Variants in CCDC148 observed in about 807,000 individuals in gnomAD.
CCDC148 encodes coiled-coil domain-containing protein 148.
Under a neutral mutation model 85.7 loss-of-function variants are expected in CCDC148, and 89 were observed. The observed-to-expected ratio is 1.04, with a 90% CI of 0.87 to 1.24. The LOEUF (loss-of-function observed/expected upper bound fraction) is 1.24. Among genes scored for constraint, CCDC148 ranks in the 50% most tolerant of loss-of-function variants. The probability of loss-of-function intolerance (pLI) is 0.00; values close to 1 mark genes in which losing one functional copy is unlikely to be tolerated. For synonymous variants in CCDC148, 230 were observed against 213.9 expected, an observed-to-expected ratio of 1.08 and a Z score of -0.66; for missense variants, 692 against 671.7, an observed-to-expected ratio of 1.03 and a Z score of -0.33.
At chr2:158,252,223 T>C (rs1688822931) in intron 9 of CCDC148, among the ~76,000 whole-genome samples, 1 of 151,784 alleles carries the variant, frequency 6.6e-6, no homozygotes, top group Non-Finnish European at 1.5e-5. Flanking sequence ...GACTCTAAAG[T>C]TCATTTTTGC....
intron 10 of CCDC148, among the ~76,000 whole-genome samples, chr2:158,231,480 T>G (rs143846549): frequency 1.3e-5 from 2 of 152,208 alleles, no homozygotes; most frequent in African/African-American, 4.8e-5. Flanking sequence ...ACCAATATAT[T>G]TGGGCATTTA....
intron 7 of CCDC148, among the ~76,000 whole-genome samples, chr2:158,315,313 T>G (rs1692226280): frequency 6.6e-6 from 1 of 152,160 alleles, no homozygotes; most frequent in Admixed American, 6.5e-5. Context: ...GGACAACATC[T>G]CAGGTCCTCT....
intron 1 of CCDC148, among the ~76,000 whole-genome samples, chr2:158,419,431 G>A (rs1559132509): frequency 6.6e-6 from 1 of 152,100 alleles, no homozygotes; most frequent in African/African-American, 2.4e-5. Flanking sequence ...ATAAAACCAG[G>A]AATTAGCTCA....
Position 158,340,184 on chromosome 2 carries a change from T to G in CCDC148, c.486+58A>C, listed in dbSNP as rs80130296. On this transcript the variant is annotated intron_variant, in intron 5 of 13. Transcript: ENST00000283233. ...CATGTTTGTTTCTTATCTCAAACTC[T>G]TCTAGTTGGGACAAAAATGAAATAT... 2,045 of 1,532,494 alleles carry G rather than the reference T, an allele frequency of 1.3e-3. 32 individuals are homozygous for G. The African/African-American group carries it at 0.025, about 19-fold the overall frequency. The allele number at this position is 1,532,494 out of a possible 1,614,324, so 94.9% of individuals were successfully genotyped here. A position where few individuals can be genotyped will look rare whatever the true frequency, so the allele number is the denominator to read the frequency against.
chr2:158,205,023 C>T (rs7579360), intron 11 of CCDC148, among the ~76,000 whole-genome samples: 42,497 of 151,862 alleles, frequency 0.28, 6,090 homozygotes, highest in Middle Eastern at 0.34. Flanking sequence ...CCATGGGCAA[C>T]ATTAAGGCAT....
At chr2:158,305,072 C>T (rs1381000091) in intron 9 of CCDC148, among the ~76,000 whole-genome samples, 3 of 152,036 alleles carry the variant, frequency 2.0e-5, no homozygotes, top group African/African-American at 7.2e-5. Context: ...GGTAGGAGAG[C>T]AGAGAACGCA....
intron 11 of CCDC148, among the ~76,000 whole-genome samples, chr2:158,211,231 T>G (rs1686561111): frequency 6.6e-6 from 1 of 152,054 alleles, no homozygotes. Flanking sequence ...ACAAAAACTT[T>G]CAAATATCTG....
At chr2:158,177,244 T>C (rs1684635881) in intron 12 of CCDC148, among the ~76,000 whole-genome samples, 1 of 151,898 alleles carries the variant, frequency 6.6e-6, no homozygotes, top group Admixed American at 6.6e-5. Flanking sequence ...AATTGCAAAG[T>C]CATTTTAACC....
At chr2:158,353,256 T>G (rs9677767) in intron 2 of CCDC148, among the ~76,000 whole-genome samples, 58,907 of 85,528 alleles carry the variant, frequency 0.69, 21,248 homozygotes, top group East Asian at 0.93. Context: ...TGGACTAAAT[T>G]CTCCAATTAA....
At chr2:158,362,953 A>T (rs1684028206) in intron 1 of CCDC148, among the ~76,000 whole-genome samples, 1 of 152,192 alleles carries the variant, frequency 6.6e-6, no homozygotes, top group Non-Finnish European at 1.5e-5. Flanking sequence ...GAGAAGAATC[A>T]AATAGACACA....
intron 1 of CCDC148, among the ~76,000 whole-genome samples, chr2:158,360,653 G>A (rs931523907): frequency 1.3e-5 from 2 of 151,924 alleles, no homozygotes; most frequent in Non-Finnish European, 1.5e-5. Flanking sequence ...ATGTCCACTC[G>A]GAAACCCCAG....
chr2:158,212,605 C>T (rs74918819), intron 11 of CCDC148, among the ~76,000 whole-genome samples: 10,880 of 151,864 alleles, frequency 0.072, 574 homozygotes, highest in African/African-American at 0.15. Flanking sequence ...CATTGACATC[C>T]TAAACTTCAA....
intron 9 of CCDC148, among the ~76,000 whole-genome samples, chr2:158,268,544 C>A (rs1434497621): frequency 1.3e-5 from 2 of 152,134 alleles, no homozygotes; most frequent in Non-Finnish European, 2.9e-5. Flanking sequence ...CTACCACAAT[C>A]AAGTTAGTTA....
At chr2:158,229,487 G>A (rs1188820034) in intron 10 of CCDC148, among the ~76,000 whole-genome samples, 3 of 152,164 alleles carry the variant, frequency 2.0e-5, no homozygotes, top group South Asian at 4.1e-4. Context: ...ATGACAATAA[G>A]CATTCCATTT....
chr2:158,219,935 T>C (rs1305488186), intron 11 of CCDC148, among the ~76,000 whole-genome samples: 1 of 152,242 alleles, frequency 6.6e-6, no homozygotes, highest in African/African-American at 2.4e-5. Context: ...GGATTTCCTG[T>C]TAGAGTTTAT....
intron 1 of CCDC148, among the ~76,000 whole-genome samples, chr2:158,387,311 TATATC>T (rs1685129608): frequency 6.6e-6 from 1 of 152,024 alleles, no homozygotes; most frequent in African/African-American, 2.4e-5. Flanking sequence ...TATCTATATC[TATATC>T]TATGAATATA....
chr2:158,352,469 G>C (rs1226663062), intron 2 of CCDC148, among the ~76,000 whole-genome samples: 1 of 152,122 alleles, frequency 6.6e-6, no homozygotes, highest in Non-Finnish European at 1.5e-5. Flanking sequence ...TGGAAGAAAG[G>C]GTATCAGCAA....
At chr2:158,271,105 C>CTGTTTCAGTGAATTCAGTGAATTA (rs1689678466) in intron 9 of CCDC148, among the ~76,000 whole-genome samples, 1 of 152,176 alleles carries the variant, frequency 6.6e-6, no homozygotes, top group Admixed American at 6.5e-5. Flanking sequence ...GATCCATTCA[C>CTGTTTCAGTGAATTCAGTGAATTA]TGTTTCAGCA....
chr2:158,340,851 A>G (rs1043114662), intron 3 of CCDC148, among the ~76,000 whole-genome samples, 171 bp from the exon 4 acceptor site: 1 of 152,246 alleles, frequency 6.6e-6, no homozygotes, highest in Non-Finnish European at 1.5e-5. Flanking sequence ...AGGTAGATGC[A>G]TAGGCTCAGG....
Sources: gnomAD v4.1 joint callset for allele counts (sites outside exome capture counted in the v4.1 genomes callset) on GRCh38, gnomAD v4.1.1 for gene constraint, MANE v1.5 for transcripts, NCBI Gene and HGNC (gene_info 2026-07-23, HGNC 2026-07-21) for gene names.